MARCHF1: variants seen among roughly 807,000 people sequenced by gnomAD.
The protein encoded by MARCHF1 is membrane associated ring-CH-type finger 1.
Under a neutral mutation model 54.2 loss-of-function variants are expected in MARCHF1, and 40 were observed. The ratio of observed to expected loss-of-function variants is 0.74; its 90% CI spans 0.57 to 0.96. MARCHF1 has a LOEUF of 0.96. Among genes scored for constraint, MARCHF1 ranks in the 40% least tolerant of loss-of-function variants. MARCHF1 has a pLI of 0.00. For synonymous variants in MARCHF1, 236 were observed against 236.3 expected (o/e 1.00, Z 0.01); for missense variants, 586 against 656.5 (o/e 0.89, Z 1.17).
At chr4:164,108,184 T>G (rs768196774) in intron 2 of MARCHF1, among the ~76,000 whole-genome samples, 14 of 152,152 alleles carry the variant, frequency 9.2e-5, no homozygotes, top group Non-Finnish European at 1.3e-4. Context: ...TAAAGCAACT[T>G]TATCTCCTTA....
chr4:164,182,846 C>T (rs1016560206), intron 1 of MARCHF1, among the ~76,000 whole-genome samples: 10 of 151,886 alleles, frequency 6.6e-5, no homozygotes, highest in African/African-American at 2.4e-4. Flanking sequence ...CATTTTTGTG[C>T]TATACTTAAT....
chr4:163,762,320 T>C (rs1746850950), intron 4 of MARCHF1, among the ~76,000 whole-genome samples: 1 of 152,146 alleles, frequency 6.6e-6, no homozygotes, highest in South Asian at 2.1e-4. Context: ...ATTGGTGAAG[T>C]GTTACTTATA....
At chr4:163,828,500 G>A (rs1483215382) in intron 4 of MARCHF1, among the ~76,000 whole-genome samples, 7 of 152,024 alleles carry the variant, frequency 4.6e-5, no homozygotes, top group South Asian at 2.1e-4. Context: ...ATATTTTAAA[G>A]AAGTTAAAGT....
chr4:163,708,838 A>C (rs1286205387), intron 4 of MARCHF1, among the ~76,000 whole-genome samples: 1 of 152,092 alleles, frequency 6.6e-6, no homozygotes, highest in African/African-American at 2.4e-5. Context: ...GAGGGCAAGG[A>C]ATCTTAAAAA....
At chr4:164,252,298 T>G (rs190253784) in intron 1 of MARCHF1, among the ~76,000 whole-genome samples, 178 of 152,190 alleles carry the variant, frequency 1.2e-3, no homozygotes, top group African/African-American at 4.2e-3. Flanking sequence ...TTTTTAAAAA[T>G]GTGTAACTAT....
At chr4:163,979,374 G>A in intron 3 of MARCHF1, among the ~76,000 whole-genome samples, 6 of 146,760 alleles carry the variant, frequency 4.1e-5, no homozygotes, top group Admixed American at 6.8e-5. Context: ...TGGCTGCATA[G>A]TATTCCATGG....
chr4:163,974,302 ACT>A (rs1296379339), intron 3 of MARCHF1, among the ~76,000 whole-genome samples: 7 of 152,078 alleles, frequency 4.6e-5, no homozygotes, highest in African/African-American at 1.4e-4. Flanking sequence ...TGAAGCACTC[ACT>A]CTTGAAATGC....
At chr4:164,136,306 T>C (rs541896436) in intron 1 of MARCHF1, among the ~76,000 whole-genome samples, 1 of 147,206 alleles carries the variant, frequency 6.8e-6, no homozygotes, top group Non-Finnish European at 1.5e-5. Flanking sequence ...AATAGATGCA[T>C]TGAAGAGGTA....
intron 2 of MARCHF1, among the ~76,000 whole-genome samples, chr4:164,072,056 A>T (rs577251654): frequency 2.9e-3 from 437 of 152,272 alleles, no homozygotes; most frequent in Middle Eastern, 0.027. Context: ...GAAGTAATAA[A>T]AGCACTTGTG....
intron 2 of MARCHF1, among the ~76,000 whole-genome samples, chr4:164,053,694 T>C (rs943306230): frequency 6.6e-6 from 1 of 152,206 alleles, no homozygotes; most frequent in East Asian, 1.9e-4. Context: ...ATAAAAATGA[T>C]TTTTAAGGAC....
chr4:163,645,787 C>T (rs141166036), intron 5 of MARCHF1, among the ~76,000 whole-genome samples: 1 of 152,040 alleles, frequency 6.6e-6, no homozygotes, highest in East Asian at 1.9e-4. Context: ...TTTGCCAATT[C>T]AAGGAACAAA....
At chr4:163,632,793 A>G (rs925715312) in intron 5 of MARCHF1, among the ~76,000 whole-genome samples, 26 of 152,254 alleles carry the variant, frequency 1.7e-4, no homozygotes, top group African/African-American at 6.3e-4. Flanking sequence ...CTCTGGGGGC[A>G]GGTCACAGAC....
At chr4:164,114,504 G>T (rs1755900661) in intron 1 of MARCHF1, among the ~76,000 whole-genome samples, 1 of 151,550 alleles carries the variant, frequency 6.6e-6, no homozygotes, top group Admixed American at 6.6e-5. Flanking sequence ...TTCTTTAAAT[G>T]ACAGGAATTG....
chr4:164,345,955 C>G (rs1472043514), intron 1 of MARCHF1, among the ~76,000 whole-genome samples: 1 of 152,016 alleles, frequency 6.6e-6, no homozygotes, highest in Non-Finnish European at 1.5e-5. Context: ...ATTCATGATG[C>G]CTTTATTAGT....
chr4:164,172,508 C>G (rs1168275705), intron 1 of MARCHF1, among the ~76,000 whole-genome samples: 1 of 152,102 alleles, frequency 6.6e-6, no homozygotes, highest in East Asian at 1.9e-4. Flanking sequence ...TTCTTAGTTA[C>G]ATACACAGAG....
intron 4 of MARCHF1, among the ~76,000 whole-genome samples, chr4:163,823,245 G>C (rs1173765346): frequency 6.6e-6 from 1 of 151,570 alleles, no homozygotes; most frequent in African/African-American, 2.4e-5. Flanking sequence ...ATCTTGTATG[G>C]ACTACCTCAC....
intron 4 of MARCHF1, among the ~76,000 whole-genome samples, chr4:163,759,690 C>T (rs1746776473): frequency 6.6e-6 from 1 of 152,096 alleles, no homozygotes; most frequent in Admixed American, 6.5e-5. Context: ...TACTGTTGCA[C>T]ATGTTAATTT....
chr4:163,557,384 T>A (rs1318952898), intron 8 of MARCHF1, among the ~76,000 whole-genome samples: 2 of 152,202 alleles, frequency 1.3e-5, no homozygotes, highest in Non-Finnish European at 2.9e-5. Flanking sequence ...TAGACAGCAG[T>A]TGGTTTGAAC....
intron 4 of MARCHF1, among the ~76,000 whole-genome samples, chr4:163,736,736 G>A (rs996402983): frequency 2.0e-5 from 3 of 152,072 alleles, no homozygotes; most frequent in Non-Finnish European, 2.9e-5. Flanking sequence ...ATTGTATCAC[G>A]TCTAAGAAAT....
Sources: allele counts gnomAD v4.1 joint callset (sites outside exome capture counted in the v4.1 genomes callset), GRCh38; gene constraint gnomAD v4.1.1; transcripts MANE v1.5; gene names NCBI Gene and HGNC (gene_info 2026-07-23, HGNC 2026-07-21).